The following PDE4D variants were observed in gnomAD, a reference collection of about 807,000 sequenced individuals.
PDE4D encodes the protein phosphodiesterase 4D.
Under a neutral mutation model 87.4 loss-of-function variants are expected in PDE4D, and 24 were observed. The observed-to-expected ratio is 0.27, with a 90% CI of 0.20 to 0.39. The LOEUF is 0.39. PDE4D is among the 10% of genes least tolerant of loss of function. The probability of loss-of-function intolerance (pLI) is 1.00; values close to 1 mark genes in which losing one functional copy is unlikely to be tolerated. For missense variants in PDE4D, 714 were observed against 1,041.0 expected (o/e 0.69, Z 4.32); for synonymous variants, 384 against 383.2 (o/e 1.00, Z -0.02).
intron 1 of PDE4D, among the ~76,000 whole-genome samples, chr5:59,348,756 T>C (rs1215322888): frequency 2.6e-5 from 4 of 152,144 alleles, no homozygotes; most frequent in Admixed American, 1.3e-4. Flanking sequence ...TTTATCATTT[T>C]AGTTTTTCTC....
chr5:59,052,900 T>G (rs1389861292), intron 5 of PDE4D, among the ~76,000 whole-genome samples: 1 of 152,192 alleles, frequency 6.6e-6, no homozygotes, highest in African/African-American at 2.4e-5. Flanking sequence ...AATTATCATC[T>G]ATTACATGTA....
intron 5 of PDE4D, among the ~76,000 whole-genome samples, chr5:59,119,579 A>T (rs1774147919): frequency 6.6e-6 from 1 of 152,224 alleles, no homozygotes; most frequent in Non-Finnish European, 1.5e-5. Flanking sequence ...TGCTAATATG[A>T]CAAAGGAAAT....
chr5:60,009,797 CTG>C (rs1764841160), intron 2 of PDE4D, among the ~76,000 whole-genome samples: 1 of 152,036 alleles, frequency 6.6e-6, no homozygotes, highest in African/African-American at 2.4e-5. Context: ...ACAAGTAAAA[CTG>C]TTTAAGCTGA....
At chr5:60,221,321 A>G (rs1201841928) in intron 1 of PDE4D, among the ~76,000 whole-genome samples, 1 of 152,140 alleles carries the variant, frequency 6.6e-6, no homozygotes, top group Non-Finnish European at 1.5e-5. Flanking sequence ...TTATAAATAT[A>G]AAAATAAGAT....
intron 1 of PDE4D, among the ~76,000 whole-genome samples, chr5:59,602,010 T>C (rs1827578050): frequency 6.6e-6 from 1 of 152,002 alleles, no homozygotes; most frequent in South Asian, 2.1e-4. Flanking sequence ...TGAATATAGA[T>C]GCAAAAATCC....
chr5:59,137,589 A>G (rs370629544), intron 5 of PDE4D, among the ~76,000 whole-genome samples: 1 of 148,922 alleles, frequency 6.7e-6, no homozygotes, highest in Admixed American at 6.8e-5. Context: ...TGCAGTGGCG[A>G]GATCTCAGCT....
intron 1 of PDE4D, among the ~76,000 whole-genome samples, chr5:60,417,715 A>G (rs1742730911): frequency 6.6e-6 from 1 of 152,196 alleles, no homozygotes; most frequent in African/African-American, 2.4e-5. Flanking sequence ...GTTACCAAGA[A>G]GAAGAAAAAA....
intron 2 of PDE4D, among the ~76,000 whole-genome samples, chr5:60,165,422 A>G (rs904346317): frequency 4.6e-5 from 7 of 152,076 alleles, no homozygotes; most frequent in Admixed American, 2.0e-4. Context: ...AGCTTTGTAG[A>G]GTATTTTGAA....
At chr5:59,027,763 C>T (rs1198163416) in intron 6 of PDE4D, among the ~76,000 whole-genome samples, 1 of 151,954 alleles carries the variant, frequency 6.6e-6, no homozygotes, top group African/African-American at 2.4e-5. Flanking sequence ...TACATATTTC[C>T]TTCCTGAGTC....
intron 2 of PDE4D, among the ~76,000 whole-genome samples, chr5:60,099,436 T>G (rs1019282974): frequency 4.6e-5 from 7 of 151,798 alleles, no homozygotes; most frequent in Non-Finnish European, 1.0e-4. Context: ...AACATTTGCA[T>G]GGTAAAAATT....
At chr5:60,498,397 A>G (rs192565609) in intron 1 of PDE4D, among the ~76,000 whole-genome samples, 3 of 152,300 alleles carry the variant, frequency 2.0e-5, no homozygotes, top group South Asian at 2.1e-4. Flanking sequence ...TCCGAGCACA[A>G]GTTGAGTCCC....
At chr5:59,662,811 A>G (rs999658087) in intron 1 of PDE4D, among the ~76,000 whole-genome samples, 3 of 152,202 alleles carry the variant, frequency 2.0e-5, no homozygotes, top group Non-Finnish European at 4.4e-5. Context: ...TAGATTCCAG[A>G]AAGATAACTT....
chr5:59,240,612 A>G (rs1183843296), intron 1 of PDE4D, among the ~76,000 whole-genome samples: 3 of 152,168 alleles, frequency 2.0e-5, no homozygotes, highest in Admixed American at 2.0e-4. Context: ...GTATCCCAAT[A>G]GGTTTAGACC....
At chr5:60,310,592 G>C (rs1754930375) in intron 1 of PDE4D, among the ~76,000 whole-genome samples, 3 of 152,188 alleles carry the variant, frequency 2.0e-5, no homozygotes. Flanking sequence ...AAGTGGGGTT[G>C]TGTGATTGAC....
chr5:60,216,176 G>A (rs960900537), intron 1 of PDE4D, among the ~76,000 whole-genome samples: 3 of 151,968 alleles, frequency 2.0e-5, no homozygotes, highest in African/African-American at 7.2e-5. Flanking sequence ...TCCACCTTTG[G>A]CCTTAAAACC....
rs148957816 is a variant in PDE4D, at chr5:59,099,812, C to T, written c.809-60841G>A. 4.5e-4 allele frequency among the ~76,000 whole-genome samples: 69 copies of T among 152,238 alleles called. 1 individual carries two copies. The highest frequency in any genetic ancestry group is 1.4e-3 in the African/African-American group (60 of 41,528). The stretch of plus-strand genomic sequence containing the variant: ...TTGCTCTTACCTCTTATCTCTTCTT[C>T]GATTATGGCCATCACTTACTTCCTC... On this transcript the variant is annotated intron_variant, in intron 5 of 14. Transcript: ENST00000340635.
chr5:59,477,120 A>G (rs1803404033), intron 1 of PDE4D, among the ~76,000 whole-genome samples: 1 of 151,876 alleles, frequency 6.6e-6, no homozygotes, highest in Non-Finnish European at 1.5e-5. Flanking sequence ...AACTGTAAAA[A>G]CCACCTACAA....
intron 1 of PDE4D, among the ~76,000 whole-genome samples, chr5:59,550,937 C>A (rs546602789): frequency 6.6e-6 from 1 of 152,034 alleles, no homozygotes; most frequent in Non-Finnish European, 1.5e-5. Flanking sequence ...ACCTCGTGAT[C>A]CACCTGCCCC....
intron 1 of PDE4D, among the ~76,000 whole-genome samples, chr5:60,384,675 G>A (rs1056696437): frequency 6.6e-6 from 1 of 152,094 alleles, no homozygotes; most frequent in African/African-American, 2.4e-5. Context: ...GGTACTCCCA[G>A]AAGTTTGTTT....
Sources: allele counts gnomAD v4.1 joint callset (sites outside exome capture counted in the v4.1 genomes callset), GRCh38; gene constraint gnomAD v4.1.1; transcripts MANE v1.5; gene names NCBI Gene and HGNC (gene_info 2026-07-23, HGNC 2026-07-21).